Variants in TEX14 observed in about 807,000 individuals in gnomAD.
The protein encoded by TEX14 is inactive serine/threonine-protein kinase TEX14.
TEX14 carries 168 observed loss-of-function variants against 178.6 expected under a neutral mutation model. That is an observed-to-expected ratio of 0.94 (90% CI 0.83 to 1.07). The LOEUF is 1.07. Among genes scored for constraint, TEX14 ranks in the 50% least tolerant of loss-of-function variants. TEX14 has a pLI of 0.00. For synonymous variants in TEX14, 626 were observed against 634.1 expected (o/e 0.99, Z 0.19); for missense variants, 1,730 against 1,753.6 (o/e 0.99, Z 0.24).
At chr17:58,626,006 C>G (rs1025872770) in intron 3 of TEX14, among the ~76,000 whole-genome samples, 7 of 151,968 alleles carry the variant, frequency 4.6e-5, no homozygotes, top group African/African-American at 1.7e-4. Context: ...CCCTGGACTT[C>G]CAAAGTGCTG....
intron 15 of TEX14, 91 bp downstream of exon 15, chr17:58,593,464 C>T: frequency 1.0e-6 from 1 of 968,366 alleles, no homozygotes; most frequent in Non-Finnish European, 1.6e-6. Flanking sequence ...GTCCTTTTGT[C>T]ACTAGACATA....
At chr17:58,660,570 G>A in intron 1 of TEX14, 1 of 789,236 alleles carries the variant, frequency 1.3e-6, no homozygotes, top group Non-Finnish European at 2.3e-6. Flanking sequence ...GCGGTGTTGT[G>A]GGAAGATTAG....
chr17:58,575,017 C>CTGTT (rs891799096), intron 21 of TEX14, among the ~76,000 whole-genome samples: 4 of 152,076 alleles, frequency 2.6e-5, no homozygotes, highest in Non-Finnish European at 4.4e-5. Context: ...CAAACTTGAC[C>CTGTT]TGTTTCTACT....
chr17:58,602,346 T>TAA, intron 12 of TEX14, 54 bp downstream of exon 12: 1 of 1,501,390 alleles, frequency 6.7e-7, no homozygotes, highest in Non-Finnish European at 9.1e-7. Context: ...TCTAACTCCC[T>TAA]ATTCTCCTGA....
chr17:58,606,051 G>C (rs372720970), intron 10 of TEX14, among the ~76,000 whole-genome samples: 2 of 152,164 alleles, frequency 1.3e-5, no homozygotes, highest in South Asian at 4.1e-4. Context: ...AACTCCTCAT[G>C]ATTATTTCTT....
chr17:58,637,072 C>T (rs781287487), intron 2 of TEX14, among the ~76,000 whole-genome samples: 6 of 151,708 alleles, frequency 4.0e-5, no homozygotes, highest in Non-Finnish European at 5.9e-5. Context: ...ACTAAAAATA[C>T]GAAAATTAGT....
chr17:58,562,405 C>G (rs1245863493), intron 28 of TEX14, among the ~76,000 whole-genome samples: 6 of 152,188 alleles, frequency 3.9e-5, no homozygotes. Flanking sequence ...GATGACTGAG[C>G]ATCTGTGGGG....
At chr17:58,623,131 A>T in intron 3 of TEX14, 119 bp from the exon 4 acceptor site, 1 of 811,212 alleles carries the variant, frequency 1.2e-6, no homozygotes, top group Admixed American at 2.7e-5. Context: ...GACGAGGAAT[A>T]TAACAACATC....
chr17:58,660,956 T>A (rs370529875), intron 1 of TEX14: 76 of 1,119,828 alleles, frequency 6.8e-5, no homozygotes, highest in Non-Finnish European at 8.6e-5. Context: ...CTTTATTTCC[T>A]GATCAATGCT....
At chr17:58,666,701 G>C (rs543738268) in intron 1 of TEX14, 1 of 152,132 alleles carries the variant, frequency 6.6e-6, no homozygotes, top group African/African-American at 2.4e-5. Flanking sequence ...TAATTATGAG[G>C]TACTTGCGTG....
At chr17:58,568,694 G>A (rs1203963232) in intron 26 of TEX14, among the ~76,000 whole-genome samples, 2 of 152,216 alleles carry the variant, frequency 1.3e-5, no homozygotes, top group Non-Finnish European at 2.9e-5. Context: ...TGCTCTGCCT[G>A]AAAATTCTGG....
intron 2 of TEX14, among the ~76,000 whole-genome samples, chr17:58,633,741 G>A (rs2046372017): frequency 6.6e-6 from 1 of 152,138 alleles, no homozygotes; most frequent in South Asian, 2.1e-4. Flanking sequence ...GGCCAAGGCA[G>A]GTGAATCACA....
chr17:58,558,373 G>A (rs978314423), intron 30 of TEX14, among the ~76,000 whole-genome samples: 2 of 152,224 alleles, frequency 1.3e-5, no homozygotes, highest in Non-Finnish European at 2.9e-5. Flanking sequence ...GAATTGGGAA[G>A]AATGGACTGC....
At chr17:58,620,477 C>T (rs553951546) in intron 5 of TEX14, among the ~76,000 whole-genome samples, 3 of 151,874 alleles carry the variant, frequency 2.0e-5, no homozygotes, top group Admixed American at 2.0e-4. Flanking sequence ...CTATGAGGAG[C>T]ACACCAACAC....
At chr17:58,630,404 C>A in intron 3 of TEX14, 36 bp downstream of exon 3, 2 of 1,446,180 alleles carry the variant, frequency 1.4e-6, no homozygotes, top group Non-Finnish European at 1.9e-6. Flanking sequence ...AACAGCACAA[C>A]CCCTATTTTC....
At chr17:58,684,525 C>T (rs1037120878) in intron 1 of TEX14, among the ~76,000 whole-genome samples, 1 of 151,394 alleles carries the variant, frequency 6.6e-6, no homozygotes, top group African/African-American at 2.4e-5. Flanking sequence ...TTCCCAGCTA[C>T]TCTGGAGGCT....
Position 58,557,052 on chromosome 17 carries a change from G to A in TEX14, c.4320-5C>T. ...CTCTGATCCAGCACGATTATCCTAT[G>A]CACATGTTTTTTAAAGAACAAAAAA... On this transcript the variant is annotated splice_region_variant and splice_polypyrimidine_tract_variant and intron_variant, in intron 31 of 31. Coordinates refer to ENST00000349033, the MANE Select transcript of TEX14 (RefSeq NM_031272.5). The A allele has an allele frequency of 4.3e-6, 7 of 1,613,320 alleles. No homozygotes were observed. Among genetic ancestry groups the A allele is most frequent in the Non-Finnish European group, 5.9e-6 (7 of 1,179,258 alleles).
chr17:58,627,261 T>G (rs950609988), intron 3 of TEX14, among the ~76,000 whole-genome samples: 3 of 152,218 alleles, frequency 2.0e-5, no homozygotes, highest in African/African-American at 7.2e-5. Context: ...TGGTTTGATC[T>G]TTAAAGAAAT....
chr17:58,636,255 T>A (rs1158552532), intron 2 of TEX14, among the ~76,000 whole-genome samples: 5 of 152,210 alleles, frequency 3.3e-5, no homozygotes, highest in African/African-American at 1.2e-4. Flanking sequence ...TTGTGGCTGC[T>A]ATAAAGGTAA....
Sources: gnomAD v4.1 joint callset for allele counts (sites outside exome capture counted in the v4.1 genomes callset) on GRCh38, gnomAD v4.1.1 for gene constraint, MANE v1.5 for transcripts, NCBI Gene and HGNC (gene_info 2026-07-23, HGNC 2026-07-21) for gene names.